Variants in DAB1 observed in about 807,000 individuals in gnomAD.
The protein encoded by DAB1 is DAB adaptor protein 1.
A neutral mutation model predicts 64.6 loss-of-function variants in DAB1; 15 were observed. The observed-to-expected ratio is 0.23, with a 90% CI of 0.16 to 0.36. The LOEUF (loss-of-function observed/expected upper bound fraction) is 0.36. DAB1 is among the 10% of genes least tolerant of loss of function. The probability of loss-of-function intolerance (pLI) is 1.00; values close to 1 mark genes in which losing one functional copy is unlikely to be tolerated. For missense variants in DAB1, 596 were observed against 706.7 expected (o/e 0.84, Z 1.78); for synonymous variants, 235 against 251.9 (o/e 0.93, Z 0.64).
At chr1:58,240,372 A>G (rs1660239075) in intron 4 of DAB1, among the ~76,000 whole-genome samples, 1 of 152,182 alleles carries the variant, frequency 6.6e-6, no homozygotes, top group African/African-American at 2.4e-5. Flanking sequence ...AGTTAGAATA[A>G]GGATATGGTG....
At chr1:58,120,487 T>G (rs573642492) in intron 5 of DAB1, among the ~76,000 whole-genome samples, 1 of 152,284 alleles carries the variant, frequency 6.6e-6, no homozygotes, top group African/African-American at 2.4e-5. Flanking sequence ...TTTCCACACC[T>G]GTACATGGGA....
intron 5 of DAB1, among the ~76,000 whole-genome samples, chr1:58,017,579 T>G (rs1410570315): frequency 6.6e-6 from 1 of 152,170 alleles, no homozygotes; most frequent in African/African-American, 2.4e-5. Flanking sequence ...GCTGGACAGA[T>G]CTGGGTTCAA....
chr1:57,003,943 T>C (rs1297379761), intron 14 of DAB1, among the ~76,000 whole-genome samples: 1 of 152,170 alleles, frequency 6.6e-6, no homozygotes, highest in East Asian at 1.9e-4. Flanking sequence ...TCTGATCTGC[T>C]TTTGATTGCT....
chr1:57,295,986 G>A (rs967230074), intron 1 of DAB1, among the ~76,000 whole-genome samples: 2 of 152,112 alleles, frequency 1.3e-5, no homozygotes, highest in African/African-American at 2.4e-5. Context: ...TATAAACACA[G>A]AATTGGATGG....
chr1:58,259,044 GTTTTACAGGATTAAAA>G (rs1009539921), intron 4 of DAB1, among the ~76,000 whole-genome samples: 5 of 152,020 alleles, frequency 3.3e-5, no homozygotes, highest in African/African-American at 9.7e-5. Context: ...AATAATGCTG[GTTTTACAGGATTAAAA>G]TTTTACAGGA....
intron 3 of DAB1, among the ~76,000 whole-genome samples, chr1:58,376,425 T>C (rs1644327141): frequency 7.5e-6 from 1 of 133,074 alleles, no homozygotes; most frequent in South Asian, 2.4e-4. Context: ...TCTGCCTTCA[T>C]TTCCTTATGT....
At chr1:58,235,280 G>A (rs1355347992) in intron 4 of DAB1, among the ~76,000 whole-genome samples, 3 of 152,252 alleles carry the variant, frequency 2.0e-5, no homozygotes, top group Non-Finnish European at 4.4e-5. Flanking sequence ...GGAATTTGAA[G>A]ATGTTCAGTA....
chr1:58,472,167 T>C (rs960519500), intron 3 of DAB1, among the ~76,000 whole-genome samples: 1 of 152,198 alleles, frequency 6.6e-6, no homozygotes, highest in Non-Finnish European at 1.5e-5. Context: ...CCTACCTTGA[T>C]AGTCATGCTC....
chr1:57,198,672 C>A (rs1389968575), intron 2 of DAB1, among the ~76,000 whole-genome samples: 1 of 151,558 alleles, frequency 6.6e-6, no homozygotes, highest in African/African-American at 2.4e-5. Context: ...CACACACACA[C>A]ACACACACAC....
intron 5 of DAB1, among the ~76,000 whole-genome samples, chr1:58,047,288 A>G (rs749819202): frequency 3.5e-4 from 53 of 152,368 alleles, no homozygotes; most frequent in Non-Finnish European, 6.0e-4. Flanking sequence ...CTTTAATCCA[A>G]TATATCTAAA....
At chr1:57,488,523 A>C (rs1290372185) in intron 7 of DAB1, among the ~76,000 whole-genome samples, 3 of 151,974 alleles carry the variant, frequency 2.0e-5, no homozygotes, top group Non-Finnish European at 4.4e-5. Flanking sequence ...CTAAAAATAC[A>C]AAATTAGCCG....
intron 7 of DAB1, among the ~76,000 whole-genome samples, chr1:57,431,111 G>C (rs1255521056): frequency 3.3e-5 from 4 of 120,926 alleles, no homozygotes; most frequent in African/African-American, 6.8e-5. Flanking sequence ...GGATAACCAG[G>C]TGAAGCAAGA....
chr1:57,224,964 T>A (rs192454480), intron 2 of DAB1, among the ~76,000 whole-genome samples: 2 of 152,290 alleles, frequency 1.3e-5, no homozygotes, highest in African/African-American at 4.8e-5. Flanking sequence ...AACAAATCTC[T>A]TGTATTAAAA....
At chr1:57,179,160 G>C (rs1662647750) in intron 2 of DAB1, among the ~76,000 whole-genome samples, 1 of 151,876 alleles carries the variant, frequency 6.6e-6, no homozygotes. Flanking sequence ...TGGGCACATG[G>C]GGTTTGGGGG....
intron 4 of DAB1, among the ~76,000 whole-genome samples, chr1:58,165,142 T>C (rs933375273): frequency 1.2e-4 from 18 of 152,162 alleles, no homozygotes; most frequent in Non-Finnish European, 1.8e-4. Context: ...CTAATGCCCA[T>C]AGGACCACAT....
intron 3 of DAB1, among the ~76,000 whole-genome samples, chr1:58,390,030 C>T (rs1444171899): frequency 5.9e-5 from 9 of 152,060 alleles, no homozygotes; most frequent in African/African-American, 2.2e-4. Context: ...TAGCCATTTC[C>T]CTGAGGGCCT....
chr1:58,033,313 C>A (rs1320102033), intron 5 of DAB1, among the ~76,000 whole-genome samples: 1 of 152,164 alleles, frequency 6.6e-6, no homozygotes, highest in Admixed American at 6.5e-5. Context: ...CTCTCACTGT[C>A]TGGATTGTAA....
intron 3 of DAB1, among the ~76,000 whole-genome samples, chr1:58,469,931 C>T (rs2100327837): frequency 6.6e-6 from 1 of 152,018 alleles, no homozygotes; most frequent in East Asian, 1.9e-4. Flanking sequence ...TCAGCTTCCA[C>T]AGACATCAGG....
At chr1:57,709,460 A>ATG (rs1336234554) in intron 6 of DAB1, among the ~76,000 whole-genome samples, 1 of 152,010 alleles carries the variant, frequency 6.6e-6, no homozygotes, top group East Asian at 1.9e-4. Context: ...CTATATATAT[A>ATG]TGTTCAACTT....
Sources: gnomAD v4.1 joint callset for allele counts (sites outside exome capture counted in the v4.1 genomes callset) on GRCh38, gnomAD v4.1.1 for gene constraint, MANE v1.5 for transcripts, NCBI Gene and HGNC (gene_info 2026-07-23, HGNC 2026-07-21) for gene names.